MPPED2: variants seen among roughly 807,000 people sequenced by gnomAD.
MPPED2 encodes metallophosphoesterase MPPED2.
A neutral mutation model predicts 33.0 loss-of-function variants in MPPED2; 5 were observed. The ratio of observed to expected loss-of-function variants is 0.15; its 90% CI spans 0.08 to 0.32. MPPED2 has a LOEUF of 0.32. Ranked by LOEUF, MPPED2 falls within the 10% of genes least tolerant of loss-of-function variation. The pLI, the probability that MPPED2 is intolerant of heterozygous loss-of-function variation, is 1.00. For synonymous variants in MPPED2, 136 were observed against 141.9 expected (o/e 0.96, Z 0.29); for missense variants, 275 against 372.1 (o/e 0.74, Z 2.15).
chr11:30,498,024 C>T (rs1952361475), intron 3 of MPPED2, among the ~76,000 whole-genome samples: 1 of 151,480 alleles, frequency 6.6e-6, no homozygotes, highest in Admixed American at 6.6e-5. Context: ...AAAGTGTAAA[C>T]AGGGCAGCTG....
intron 4 of MPPED2, among the ~76,000 whole-genome samples, chr11:30,441,732 C>T (rs1949579964): frequency 6.6e-6 from 1 of 152,180 alleles, no homozygotes; most frequent in African/African-American, 2.4e-5. Flanking sequence ...CCTTCATTCT[C>T]TTGCCCCTTT....
At chr11:30,400,221 G>A (rs1947891354) in intron 6 of MPPED2, among the ~76,000 whole-genome samples, 1 of 152,098 alleles carries the variant, frequency 6.6e-6, no homozygotes, top group Admixed American at 6.6e-5. Context: ...ACAGGTTCCT[G>A]TCACCACATC....
At chr11:30,450,681 C>T (rs1156245471) in intron 4 of MPPED2, among the ~76,000 whole-genome samples, 1 of 152,138 alleles carries the variant, frequency 6.6e-6, no homozygotes, top group Admixed American at 6.5e-5. Context: ...TGTGAACTTC[C>T]TAGGGGCCTG....
intron 4 of MPPED2, among the ~76,000 whole-genome samples, chr11:30,477,626 A>G (rs986827398): frequency 6.6e-6 from 1 of 151,974 alleles, no homozygotes; most frequent in African/African-American, 2.4e-5. Flanking sequence ...AACCTTCCGG[A>G]AAGTATTTTA....
At position 30,515,802 on chromosome 11, in the gene MPPED2, C is replaced by T. The variant is rs180849913; in HGVS notation, c.310+20192G>A. 3.3e-3 allele frequency among the ~76,000 whole-genome samples: 497 copies of T among 152,302 alleles called. 3 individuals carry two copies. Among genetic ancestry groups the T allele is most frequent in the Admixed American group, 0.011 (173 of 15,296 alleles). On this transcript the variant is annotated intron_variant, in intron 3 of 6. Transcript: ENST00000358117. ...ACAGCTAAGAACCTCTTGAAACAGA[C>T]ATAGAATAGCCTTTAATGTGAAGAA...
intron 3 of MPPED2, among the ~76,000 whole-genome samples, chr11:30,508,524 A>G (rs897987266): frequency 9.2e-5 from 14 of 152,192 alleles, no homozygotes; most frequent in Admixed American, 4.6e-4. Context: ...TGAGAAAATA[A>G]ATGTCTGTTG....
At chr11:30,392,177 T>C (rs1194522108) in intron 6 of MPPED2, among the ~76,000 whole-genome samples, 1 of 152,222 alleles carries the variant, frequency 6.6e-6, no homozygotes, top group African/African-American at 2.4e-5. Context: ...AACACTGGCA[T>C]GTAGAAGATA....
chr11:30,488,205 A>G (rs1023441234), intron 4 of MPPED2, among the ~76,000 whole-genome samples: 6 of 152,228 alleles, frequency 3.9e-5, no homozygotes, highest in African/African-American at 1.4e-4. Context: ...GTTAATTATT[A>G]TTAGTAATAC....
rs985056868 is a variant in MPPED2 at position 30,572,228 on chromosome 11, T to C, written c.128+8018A>G. On this transcript the variant is annotated intron_variant, in intron 2 of 6. Transcript: ENST00000358117. ...CAAATAAACAAAAACCACTGTCCAA[T>C]TATGCAACATACAGCTAGGGTTCTA... is the stretch of plus-strand genomic sequence containing the variant. Among the ~76,000 whole-genome samples the C allele has an allele frequency of 2.0e-5, 3 of 152,142 alleles. No individual in the cohort carries two copies. The East Asian group carries it at 5.8e-4, about 29-fold the overall frequency.
At chr11:30,475,205 G>T (rs1951127420) in intron 4 of MPPED2, among the ~76,000 whole-genome samples, 4 of 151,922 alleles carry the variant, frequency 2.6e-5, no homozygotes, top group African/African-American at 9.7e-5. Flanking sequence ...TCAAATATTT[G>T]TTAAATCATA....
intron 6 of MPPED2, among the ~76,000 whole-genome samples, chr11:30,399,499 A>G (rs1947881755): frequency 6.6e-6 from 1 of 152,346 alleles, no homozygotes; most frequent in East Asian, 1.9e-4. Flanking sequence ...GTTGGCAGGC[A>G]TCACACAGAG....
intron 2 of MPPED2, among the ~76,000 whole-genome samples, chr11:30,554,816 T>C (rs1470116170): frequency 6.6e-6 from 1 of 152,134 alleles, no homozygotes; most frequent in Admixed American, 6.5e-5. Flanking sequence ...TTCTTTGGGT[T>C]AGAAGATCCC....
At chr11:30,569,641 G>A (rs979081646) in intron 2 of MPPED2, among the ~76,000 whole-genome samples, 6 of 152,108 alleles carry the variant, frequency 3.9e-5, no homozygotes, top group Admixed American at 2.0e-4. Flanking sequence ...TACATCTCTC[G>A]AAAGTCAGTT....
rs368260105 is a variant in MPPED2 at position 30,533,251 on chromosome 11, T to C, written c.310+2743A>G. ...GACCTTGGGTAAAATGGGGATAACA[T>C]TAGCAACTTCAGAAGGATGTTACAG... On this transcript the variant is annotated intron_variant, in intron 3 of 6. Transcript: ENST00000358117. Among the ~76,000 whole-genome samples the C allele has an allele frequency of 1.1e-4, 17 of 152,228 alleles. No individual in the cohort carries two copies. The South Asian group carries it at 3.5e-3, about 32-fold the overall frequency.
intron 4 of MPPED2, among the ~76,000 whole-genome samples, chr11:30,462,920 G>T (rs1261380782): frequency 6.6e-6 from 1 of 152,176 alleles, no homozygotes. Context: ...AAAGAAAAGG[G>T]TCATACAGAA....
At chr11:30,409,127 G>T (rs1430647729), downstream of MPPED2, among the ~76,000 whole-genome samples, 1 of 152,162 alleles carries the variant, frequency 6.6e-6, no homozygotes, top group African/African-American at 2.4e-5. Context: ...TCAAGGGCTG[G>T]GCATACATAC....
chr11:30,560,416 G>C (rs1045878244), intron 2 of MPPED2, among the ~76,000 whole-genome samples: 8 of 151,918 alleles, frequency 5.3e-5, no homozygotes, highest in African/African-American at 1.9e-4. Context: ...CTCTTAGTAA[G>C]CAGAAGTTGT....
chr11:30,417,133 A>C (rs1001902175), intron 5 of MPPED2, among the ~76,000 whole-genome samples: 2 of 152,146 alleles, frequency 1.3e-5, no homozygotes, highest in Non-Finnish European at 2.9e-5. Flanking sequence ...TTGAATAAAA[A>C]TTTCCATCAT....
intron 3 of MPPED2, among the ~76,000 whole-genome samples, chr11:30,510,376 G>C (rs1035643822): frequency 6.6e-6 from 1 of 152,100 alleles, no homozygotes; most frequent in African/African-American, 2.4e-5. Flanking sequence ...CAATGGTAAA[G>C]TTCTTCCATG....
Sources: gnomAD v4.1 joint callset for allele counts (sites outside exome capture counted in the v4.1 genomes callset) on GRCh38, gnomAD v4.1.1 for gene constraint, MANE v1.5 for transcripts, NCBI Gene and HGNC (gene_info 2026-07-23, HGNC 2026-07-21) for gene names.